DGKD: variants seen among roughly 807,000 people sequenced by gnomAD.
DGKD encodes the protein diacylglycerol kinase delta.
Under a neutral mutation model 154.4 loss-of-function variants are expected in DGKD, and 68 were observed. That is an observed-to-expected ratio of 0.44 (90% CI 0.36 to 0.54). DGKD has a LOEUF of 0.54. DGKD is among the 20% of genes least tolerant of loss of function. The pLI is 0.00. For synonymous variants in DGKD, 693 were observed against 638.0 expected, an observed-to-expected ratio of 1.09 and a Z score of -1.30; for missense variants, 1,343 against 1,593.6, an observed-to-expected ratio of 0.84 and a Z score of 2.68.
rs965084167 is a variant in DGKD, at chr2:233,404,376, G to A, written c.348+13893G>A. Among the ~76,000 whole-genome samples the A allele has an allele frequency of 5.9e-5, 9 of 152,300 alleles. No individual in the cohort carries two copies. The South Asian group carries it at 1.9e-3, about 32-fold the overall frequency. ...TCACAGGAGGGACATTTAGGGAGGTGAGTTTGTTCTCCCCTGCAGAGCAGC... is the reference window on the plus strand; with the variant it reads ...TCACAGGAGGGACATTTAGGGAGGTAAGTTTGTTCTCCCCTGCAGAGCAGC... On this transcript the variant is annotated intron_variant, in intron 3 of 29. Transcript: ENST00000264057.
At chr2:233,427,128 A>C (rs987375393) in intron 3 of DGKD, among the ~76,000 whole-genome samples, 2 of 152,032 alleles carry the variant, frequency 1.3e-5, no homozygotes, top group Admixed American at 1.3e-4. Flanking sequence ...CCACCATTTT[A>C]TCCACTCCTC....
At position 233,431,352 on chromosome 2, in the gene DGKD, C is replaced by T. The variant is rs114298420; in HGVS notation, c.349-3028C>T. Among the ~76,000 whole-genome samples, 1,469 of 152,244 alleles carry T rather than the reference C, an allele frequency of 9.6e-3. 26 individuals are homozygous for T. Among genetic ancestry groups the T allele is most frequent in the African/African-American group, 0.033 (1,373 of 41,540 alleles). On this transcript the variant is annotated intron_variant, in intron 3 of 29. Transcript: ENST00000264057. ...ACACACAAAAAATGGAAAGATACTC[C>T]ACGTTCATGGACTGGAAGAATCAAC...
intron 3 of DGKD, among the ~76,000 whole-genome samples, chr2:233,394,955 G>T (rs914513795): frequency 6.6e-6 from 1 of 151,886 alleles, no homozygotes; most frequent in Admixed American, 6.6e-5. Flanking sequence ...ATCTGTCTTG[G>T]TGTCCTAAAG....
intron 24 of DGKD, 140 bp downstream of exon 24, chr2:233,460,485 T>C (rs982127858): frequency 4.2e-5 from 47 of 1,123,356 alleles, no homozygotes; most frequent in Non-Finnish European, 5.4e-5. Flanking sequence ...CGAGCCTGTT[T>C]ATGTGCCCTC....
At position 233,440,494 on chromosome 2, in the gene DGKD, G is replaced by T. The variant is rs1036363029; in HGVS notation, c.1086-1393G>T. Among the ~76,000 whole-genome samples, 2 of 152,178 alleles carry T rather than the reference G, an allele frequency of 1.3e-5. No individual in the cohort carries two copies. The highest frequency in any genetic ancestry group is 2.9e-5 in the Non-Finnish European group (2 of 68,020). The stretch of plus-strand genomic sequence containing the variant: ...GGTGACACAGCTTCTCTGGGAACCC[G>T]GTGGGGGCAGGGTCGCAAGTCAAAC... On this transcript the variant is annotated intron_variant, in intron 9 of 29. Coordinates refer to ENST00000264057, the MANE Select transcript of DGKD (RefSeq NM_152879.3). The surrounding 1 kb of genome is among the most constrained non-coding windows in gnomAD (Gnocchi z 4.9).
Position 233,457,063 on chromosome 2 carries a change from C to A in DGKD, c.2472+68C>A. 7.1e-7 allele frequency: 1 copy of A among 1,412,850 alleles called. No individual in the cohort carries two copies. The highest frequency in any genetic ancestry group is 1.0e-6 in the Non-Finnish European group (1 of 997,748). 87.5% of individuals were successfully genotyped at this position (1,412,850 alleles called of 1,614,324 possible). ...CATCAGCAGACTGCCAGGCCTATTG[C>A]TTCTCCTGTTGACCATTTCCTCCAT... On this transcript the variant is annotated intron_variant, in intron 20 of 29. Coordinates refer to ENST00000264057, the MANE Select transcript of DGKD (RefSeq NM_152879.3). This position sits in a 1 kb window ranked among gnomAD's most constrained non-coding sequence, Gnocchi z 5.5.
At chr2:233,443,143 C>G (rs1039537775) in intron 10 of DGKD, among the ~76,000 whole-genome samples, 1 of 152,222 alleles carries the variant, frequency 6.6e-6, no homozygotes, top group African/African-American at 2.4e-5. Context: ...GCTTCCATGC[C>G]TGATGCCTTT....
At chr2:233,460,035 A>G (rs1398982755) in intron 23 of DGKD, 144 bp downstream of exon 23, 90 of 1,449,900 alleles carry the variant, frequency 6.2e-5, no homozygotes, top group Non-Finnish European at 7.4e-5. Context: ...CTAATAGGGC[A>G]GTAATTTCTA....
intron 16 of DGKD, among the ~76,000 whole-genome samples, 175 bp downstream of exon 16, chr2:233,450,306 AG>A (rs1402077903): frequency 6.6e-6 from 1 of 151,830 alleles, no homozygotes; most frequent in African/African-American, 2.4e-5. Context: ...CGCGCCCTTG[AG>A]GTGGGTGTGT....
At chr2:233,455,594 G>A (rs1453687555) in intron 19 of DGKD, among the ~76,000 whole-genome samples, 1 of 152,242 alleles carries the variant, frequency 6.6e-6, no homozygotes, top group Non-Finnish European at 1.5e-5. Flanking sequence ...GGAGAAATGA[G>A]TGTGGGGGTT....
At chr2:233,426,680 A>AGAGTAGTGATGCTAT (rs1354265389) in intron 3 of DGKD, among the ~76,000 whole-genome samples, 1 of 152,146 alleles carries the variant, frequency 6.6e-6, no homozygotes, top group African/African-American at 2.4e-5. Context: ...AGGCCTGTTT[A>AGAGTAGTGATGCTAT]GAGTAGTGAT....
At position 233,457,339 on chromosome 2, in the gene DGKD, G is replaced by T; in HGVS notation, c.2580+11G>T. 1.3e-6 allele frequency: 2 copies of T among 1,551,292 alleles called. No homozygotes were observed. The highest frequency in any genetic ancestry group is 1.8e-6 in the Non-Finnish European group (2 of 1,138,864). The stretch of plus-strand genomic sequence containing the variant: ...ACCAAGGAAGATGATGTATGTATGG[G>T]GTGTGAGCGGGTGGGCCTGAGCTCA... On this transcript the variant is annotated intron_variant, in intron 21 of 29. Coordinates refer to ENST00000264057, the MANE Select transcript of DGKD (RefSeq NM_152879.3). The surrounding 1 kb of genome is among the most constrained non-coding windows in gnomAD (Gnocchi z 5.5).
intron 3 of DGKD, among the ~76,000 whole-genome samples, chr2:233,414,614 C>T (rs1216271857): frequency 6.6e-6 from 1 of 152,156 alleles, no homozygotes; most frequent in African/African-American, 2.4e-5. Flanking sequence ...AGAAATGTCT[C>T]AGGTATCGTG....
chr2:233,390,732 G>T (rs541995530), intron 3 of DGKD, among the ~76,000 whole-genome samples: 2 of 152,134 alleles, frequency 1.3e-5, no homozygotes, highest in Admixed American at 6.6e-5. Flanking sequence ...TTTGGTTCAC[G>T]TCTGTTTTGT....
intron 3 of DGKD, among the ~76,000 whole-genome samples, chr2:233,394,335 T>G (rs1223000608): frequency 1.3e-5 from 2 of 152,106 alleles, no homozygotes; most frequent in African/African-American, 4.8e-5. Flanking sequence ...CTTAAACTCC[T>G]GGGCTCCAGT....
chr2:233,384,361 TC>T (rs1432736380), intron 1 of DGKD, among the ~76,000 whole-genome samples: 1 of 152,154 alleles, frequency 6.6e-6, no homozygotes, highest in African/African-American at 2.4e-5. Context: ...TGGCTTTCCT[TC>T]CTTGGTATTG....
At chr2:233,380,264 T>G (rs916506867) in intron 1 of DGKD, among the ~76,000 whole-genome samples, 2 of 152,180 alleles carry the variant, frequency 1.3e-5, no homozygotes, top group Non-Finnish European at 2.9e-5. Context: ...GAGGTACATT[T>G]CAGTGTGGAG....
chr2:233,432,513 G>T (rs1023855988), intron 3 of DGKD, among the ~76,000 whole-genome samples: 49 of 152,182 alleles, frequency 3.2e-4, no homozygotes, highest in Non-Finnish European at 6.2e-4. Context: ...CAAAAAATTA[G>T]CTGGGTGTGG....
intron 19 of DGKD, among the ~76,000 whole-genome samples, chr2:233,456,597 GGA>G (rs1415970746): frequency 6.6e-6 from 1 of 152,134 alleles, no homozygotes; most frequent in Non-Finnish European, 1.5e-5. Context: ...GAAAAAATCA[GGA>G]TGTGTAGAAG....
Sources: allele counts gnomAD v4.1 joint callset (sites outside exome capture counted in the v4.1 genomes callset), GRCh38; gene constraint gnomAD v4.1.1; non-coding constraint Gnocchi (gnomAD v3.1); transcripts MANE v1.5; gene names NCBI Gene and HGNC (gene_info 2026-07-23, HGNC 2026-07-21).